DYSF: variants seen among roughly 807,000 people sequenced by gnomAD.
DYSF encodes dysferlin, also known as dystrophy-associated fer-1-like 1.
Under a neutral mutation model 274.9 loss-of-function variants are expected in DYSF, and 212 were observed. That is an observed-to-expected ratio of 0.77 (90% CI 0.69 to 0.86). The LOEUF (loss-of-function observed/expected upper bound fraction) is 0.86, where lower values mean the gene tolerates loss of function less well. DYSF is among the 40% of genes least tolerant of loss of function. The pLI, the probability that DYSF is intolerant of heterozygous loss-of-function variation, is 0.00. For missense variants in DYSF, 2,666 were observed against 2,783.2 expected, an observed-to-expected ratio of 0.96 and a Z score of 0.95; for synonymous variants, 1,091 against 1,078.7, an observed-to-expected ratio of 1.01 and a Z score of -0.22.
At chr2:71,660,932 C>T (rs1045044905) in intron 45 of DYSF, among the ~76,000 whole-genome samples, 2 of 151,908 alleles carry the variant, frequency 1.3e-5, no homozygotes, top group East Asian at 3.9e-4. Context: ...GTCTGGGCAA[C>T]ATAGCAAGAC....
chr2:71,585,620 C>A (rs4852809), intron 30 of DYSF, among the ~76,000 whole-genome samples: 24,573 of 152,124 alleles, frequency 0.16, 2,562 homozygotes, highest in East Asian at 0.37. Flanking sequence ...GGATCCCCAC[C>A]GGGCCGGCCT....
chr2:71,520,907 G>A lies in DYSF; in HGVS notation c.1149+3G>A. 1 of 1,613,972 alleles carries A rather than the reference G, an allele frequency of 6.2e-7. No homozygotes were observed. The highest frequency in any genetic ancestry group is 1.1e-5 in the South Asian group (1 of 91,066). ...TGGGGCCTGGGGACGAAGCGCCTGT[G>A]AGTACATTTCCCTGGGTCTTCCTTA... On this transcript the variant is annotated splice_donor_region_variant and intron_variant, in intron 12 of 55. Coordinates refer to ENST00000410020, the MANE Select transcript of DYSF (RefSeq NM_001130987.2).
Position 71,586,855 on chromosome 2 carries a change from C to T in DYSF, c.3403-2738C>T, listed in dbSNP as rs2419412. On this transcript the variant is annotated intron_variant, in intron 30 of 55. Transcript: ENST00000410020. ...TATGCTCACCCTAGCCCCCTACCTG[C>T]GGGTGGGGCACATGTGTGTGGCCGG... Among the ~76,000 whole-genome samples, 937 of 152,176 alleles carry T rather than the reference C, an allele frequency of 6.2e-3. 22 individuals carry two copies. The highest frequency in any genetic ancestry group is 0.027 in the Admixed American group (415 of 15,298).
intron 42 of DYSF, 149 bp downstream of exon 42, chr2:71,644,212 G>A (rs1366274110): frequency 1.3e-6 from 1 of 785,008 alleles, no homozygotes. Context: ...AGACCAGCTG[G>A]GTGAGAAAGC....
At position 71,567,955 on chromosome 2, in the gene DYSF, CG is replaced by C; in HGVS notation, c.2571del (p.Met858TrpfsTer108). 6.2e-7 allele frequency: 1 copy of C among 1,614,020 alleles called. No individual in the cohort carries two copies. The highest frequency in any genetic ancestry group is 8.5e-7 in the Non-Finnish European group (1 of 1,179,988). Reference protein sequence around the residue: ...GKLQTIFLKYPMEKVPGARMP... With the variant: ...GKLQTIFLKYXMEKVPGARMP... ...CTGTCCTTCTCTGGTACCCAGTATC[CG>C]ATGGAGAAGGTGCCTGGCGCCCGGA... On this transcript the variant is annotated frameshift_variant, in exon 25 of 56. Coordinates refer to ENST00000410020, the MANE Select transcript of DYSF (RefSeq NM_001130987.2). LOFTEE classifies it high-confidence loss of function.
intron 26 of DYSF, among the ~76,000 whole-genome samples, chr2:71,569,096 G>C (rs902469999): frequency 1.3e-5 from 2 of 151,562 alleles, no homozygotes; most frequent in African/African-American, 4.9e-5. Context: ...GGATGGTCTC[G>C]ATCTCCTGAC....
chr2:71,504,108 A>C (rs942468878), intron 4 of DYSF, among the ~76,000 whole-genome samples: 10 of 152,140 alleles, frequency 6.6e-5, no homozygotes, highest in Non-Finnish European at 1.2e-4. Flanking sequence ...TGAGTCAGGA[A>C]GTAGCCGGTC....
chr2:71,503,211 C>T lies in DYSF; in HGVS notation c.240-3C>T, dbSNP rs1013317246. On this transcript the variant is annotated splice_polypyrimidine_tract_variant and splice_region_variant and intron_variant, in intron 3 of 55. Coordinates refer to ENST00000410020, the MANE Select transcript of DYSF (RefSeq NM_001130987.2). ...TCTACATTTGACTTCTCTCTCCTCT[C>T]AGGTTCCTGGGGGAAGCCAAGGTCC... 1 of 1,613,972 alleles carries T rather than the reference C, an allele frequency of 6.2e-7. No homozygotes were observed. Among genetic ancestry groups the T allele is most frequent in the Non-Finnish European group, 8.5e-7 (1 of 1,179,882 alleles).
chr2:71,675,061 A>T (rs2095196358), intron 52 of DYSF, among the ~76,000 whole-genome samples: 1 of 152,216 alleles, frequency 6.6e-6, no homozygotes, highest in South Asian at 2.1e-4. Context: ...CAAAAGGTCA[A>T]ATATTATATG....
intron 16 of DYSF, 94 bp from the exon 17 acceptor site, chr2:71,539,063 C>CA (rs1035348465): frequency 3.0e-5 from 33 of 1,109,382 alleles, no homozygotes; most frequent in East Asian, 2.1e-4. Context: ...CCCCGCCCCC[C>CA]TGTGATGTGT....
chr2:71,628,189 A>T (rs1264437553), intron 41 of DYSF, among the ~76,000 whole-genome samples: 1 of 151,942 alleles, frequency 6.6e-6, no homozygotes, highest in African/African-American at 2.4e-5. Flanking sequence ...TTTAGTGATT[A>T]GTATAGAAAT....
At chr2:71,663,570 T>G (rs2094940356) in intron 45 of DYSF, among the ~76,000 whole-genome samples, 1 of 152,216 alleles carries the variant, frequency 6.6e-6, no homozygotes, top group Non-Finnish European at 1.5e-5. Context: ...TAAGTTTCCC[T>G]GAGCATGCAC....
At chr2:71,648,627 C>A (rs1014653343) in intron 42 of DYSF, among the ~76,000 whole-genome samples, 1 of 152,060 alleles carries the variant, frequency 6.6e-6, no homozygotes, top group African/African-American at 2.4e-5. Context: ...TGAAAAAGTT[C>A]ATGGTGTGTC....
chr2:71,543,308 C>A (rs2090128541), intron 17 of DYSF, among the ~76,000 whole-genome samples: 1 of 151,180 alleles, frequency 6.6e-6, no homozygotes, highest in Non-Finnish European at 1.5e-5. Flanking sequence ...TGATGGGCAG[C>A]CGGGCAGAGA....
At chr2:71,628,034 C>G (rs1304597792) in intron 41 of DYSF, among the ~76,000 whole-genome samples, 3 of 152,088 alleles carry the variant, frequency 2.0e-5, no homozygotes, top group Non-Finnish European at 4.4e-5. Context: ...TTAATGCATT[C>G]TGACAATCTT....
At chr2:71,520,035 T>C in intron 10 of DYSF, 143 bp from the exon 11 acceptor site, 1 of 889,454 alleles carries the variant, frequency 1.1e-6, no homozygotes, top group Non-Finnish European at 1.9e-6. Context: ...CATTTTCTTT[T>C]CATGTAGTAT....
intron 1 of DYSF, among the ~76,000 whole-genome samples, chr2:71,478,638 T>C (rs1558957593): frequency 6.6e-6 from 1 of 152,176 alleles, no homozygotes; most frequent in East Asian, 1.9e-4. Context: ...ATTTTTTCCA[T>C]GATCAGTGAT....
intron 24 of DYSF, among the ~76,000 whole-genome samples, chr2:71,565,690 G>A (rs1472765155): frequency 2.0e-5 from 3 of 152,352 alleles, no homozygotes; most frequent in Non-Finnish European, 2.9e-5. Context: ...CACAGAGGAT[G>A]CCAGGGCTGG....
intron 41 of DYSF, among the ~76,000 whole-genome samples, chr2:71,633,555 C>T (rs1292791688): frequency 6.6e-6 from 1 of 152,036 alleles, no homozygotes; most frequent in Non-Finnish European, 1.5e-5. Flanking sequence ...TTACAGTAAC[C>T]CCAGTGTTGG....
Sources: gnomAD v4.1 joint callset for allele counts (sites outside exome capture counted in the v4.1 genomes callset) on GRCh38, gnomAD v4.1.1 for gene constraint, MANE v1.5 for transcripts, NCBI Gene and HGNC (gene_info 2026-07-23, HGNC 2026-07-21) for gene names.